The following EHBP1 variants were observed in gnomAD, a reference collection of about 807,000 sequenced individuals.
EHBP1 encodes the protein EH domain binding protein 1.
A neutral mutation model predicts 144.0 loss-of-function variants in EHBP1; 55 were observed. That is an observed-to-expected ratio of 0.38 (90% CI 0.31 to 0.48). The LOEUF (loss-of-function observed/expected upper bound fraction) is 0.48. Among genes scored for constraint, EHBP1 ranks in the 20% least tolerant of loss-of-function variants. EHBP1 has a pLI of 0.98. For missense variants in EHBP1, 1,200 were observed against 1,364.2 expected (o/e 0.88, Z 1.90); for synonymous variants, 469 against 472.7 (o/e 0.99, Z 0.10).
intron 7 of EHBP1, among the ~76,000 whole-genome samples, chr2:62,858,709 T>C (rs2049273297): frequency 1.3e-5 from 2 of 152,218 alleles, no homozygotes; most frequent in Admixed American, 1.3e-4. Flanking sequence ...GTCAGGATCC[T>C]TGATAGACAG....
intron 19 of EHBP1, 44 bp downstream of exon 19, chr2:62,996,810 C>T (rs375242219): frequency 5.6e-6 from 9 of 1,596,604 alleles, no homozygotes; most frequent in African/African-American, 1.4e-5. Context: ...GCAAATTGAG[C>T]GTTCACAAAC....
chr2:63,041,887 T>A (rs2061673375), intron 21 of EHBP1, among the ~76,000 whole-genome samples: 1 of 152,238 alleles, frequency 6.6e-6, no homozygotes, highest in Admixed American at 6.5e-5. Context: ...GTCCTTTCTG[T>A]TAAAGTGTTT....
chr2:62,957,103 A>T (rs544891728), intron 14 of EHBP1, among the ~76,000 whole-genome samples: 6 of 152,378 alleles, frequency 3.9e-5, no homozygotes, highest in Non-Finnish European at 8.8e-5. Context: ...TATAGAAAAT[A>T]TTAACAAATT....
chr2:62,823,466 ACT>A (rs1006946513), intron 5 of EHBP1, among the ~76,000 whole-genome samples: 15 of 151,130 alleles, frequency 9.9e-5, no homozygotes, highest in South Asian at 2.1e-4. Context: ...TTCTCTCTAA[ACT>A]CTCTCTCTCT....
At chr2:62,698,073 C>A (rs1311264147) in intron 1 of EHBP1, among the ~76,000 whole-genome samples, 1 of 152,146 alleles carries the variant, frequency 6.6e-6, no homozygotes, top group East Asian at 1.9e-4. Flanking sequence ...GTAGGCTGGA[C>A]AAGACACATG....
intron 5 of EHBP1, among the ~76,000 whole-genome samples, chr2:62,811,779 G>C (rs1308283859): frequency 6.6e-6 from 1 of 152,180 alleles, no homozygotes; most frequent in Non-Finnish European, 1.5e-5. Flanking sequence ...AGTAGAGAAA[G>C]TGGATATTTA....
At chr2:62,777,505 T>C (rs2042128077) in intron 5 of EHBP1, among the ~76,000 whole-genome samples, 1 of 152,104 alleles carries the variant, frequency 6.6e-6, no homozygotes, top group East Asian at 1.9e-4. Context: ...TTCATGGTTT[T>C]TTCTCCCACA....
At chr2:62,988,860 A>G (rs79780368) in intron 15 of EHBP1, among the ~76,000 whole-genome samples, 2,671 of 152,252 alleles carry the variant, frequency 0.018, 81 homozygotes, top group African/African-American at 0.061. Flanking sequence ...AAAGGGAGTG[A>G]GAGCAAGCAT....
chr2:62,688,232 G>A (rs1239997506), intron 1 of EHBP1, among the ~76,000 whole-genome samples: 2 of 152,114 alleles, frequency 1.3e-5, no homozygotes, highest in African/African-American at 4.8e-5. Flanking sequence ...CTTACAGTTT[G>A]TAAATTTAAT....
chr2:62,792,190 A>G (rs1215662048), intron 5 of EHBP1, among the ~76,000 whole-genome samples: 1 of 152,060 alleles, frequency 6.6e-6, no homozygotes, highest in Non-Finnish European at 1.5e-5. Context: ...AGTACTACAT[A>G]TGCTGCTGTC....
chr2:62,709,361 G>A (rs1317596730), intron 2 of EHBP1, among the ~76,000 whole-genome samples: 2 of 152,210 alleles, frequency 1.3e-5, no homozygotes, highest in East Asian at 3.9e-4. Flanking sequence ...AGAAGGTCGT[G>A]ATTATAGGTG....
At chr2:63,038,709 T>C in intron 20 of EHBP1, 34 bp from the exon 21 acceptor site, 1 of 1,581,840 alleles carries the variant, frequency 6.3e-7, no homozygotes, top group Non-Finnish European at 8.7e-7. Flanking sequence ...GATTTAGTAA[T>C]TAGCATATTG....
intron 7 of EHBP1, among the ~76,000 whole-genome samples, chr2:62,852,401 A>G (rs2048742766): frequency 6.6e-6 from 1 of 151,814 alleles, no homozygotes; most frequent in Non-Finnish European, 1.5e-5. Context: ...TTCATAATTA[A>G]CTGCTATTAT....
chr2:62,796,051 C>G (rs544612582), intron 5 of EHBP1, among the ~76,000 whole-genome samples: 2 of 151,806 alleles, frequency 1.3e-5, no homozygotes, highest in South Asian at 4.2e-4. Context: ...TCCTAATAAA[C>G]CTCTTTAATA....
intron 8 of EHBP1, among the ~76,000 whole-genome samples, 190 bp downstream of exon 8, chr2:62,859,481 G>GA (rs926629088): frequency 1.3e-5 from 2 of 152,126 alleles, no homozygotes; most frequent in African/African-American, 4.8e-5. Flanking sequence ...GGCTTTTAAA[G>GA]AAAAAAGAAA....
chr2:63,041,595 G>A (rs192652425), intron 21 of EHBP1, among the ~76,000 whole-genome samples: 92 of 152,290 alleles, frequency 6.0e-4, no homozygotes, highest in African/African-American at 2.2e-3. Flanking sequence ...ATCCTGTGGA[G>A]GAGCTTATCC....
chr2:62,736,162 A>G (rs1011120800), intron 2 of EHBP1, among the ~76,000 whole-genome samples: 1 of 118,984 alleles, frequency 8.4e-6, no homozygotes, highest in African/African-American at 3.2e-5. Flanking sequence ...CATCTTTTGT[A>G]GTTGTTCCGC....
At chr2:62,754,426 C>G (rs1467006555) in intron 3 of EHBP1, among the ~76,000 whole-genome samples, 5 of 152,166 alleles carry the variant, frequency 3.3e-5, no homozygotes. Context: ...CCCAGTTAGG[C>G]TACTCGGGGT....
intron 10 of EHBP1, among the ~76,000 whole-genome samples, chr2:62,932,463 A>G (rs1056760578): frequency 5.9e-5 from 9 of 152,202 alleles, no homozygotes; most frequent in Non-Finnish European, 1.3e-4. Context: ...AATGAAATGA[A>G]TTTATCACAA....
Sources: allele counts gnomAD v4.1 joint callset (sites outside exome capture counted in the v4.1 genomes callset), GRCh38; gene constraint gnomAD v4.1.1; transcripts MANE v1.5; gene names NCBI Gene and HGNC (gene_info 2026-07-23, HGNC 2026-07-21).